Variants in TMEM132E observed in about 807,000 individuals in gnomAD.
TMEM132E encodes the protein transmembrane protein 132E.
In TMEM132E, 49 loss-of-function variants were observed where a neutral mutation model predicts 78.5. The observed-to-expected ratio is 0.62, with a 90% CI of 0.50 to 0.79. TMEM132E has a LOEUF of 0.79. TMEM132E is among the 30% of genes least tolerant of loss of function. The probability of loss-of-function intolerance (pLI) is 0.00; values close to 1 mark genes in which losing one functional copy is unlikely to be tolerated. For missense variants in TMEM132E, 1,403 were observed against 1,470.9 expected (o/e 0.95, Z 0.75); for synonymous variants, 715 against 670.6 (o/e 1.07, Z -1.02).
At position 34,626,704 on chromosome 17, in the gene TMEM132E, C is replaced by A. The variant is rs1907146449; in HGVS notation, c.645C>A (p.Ser215=). The change falls in exon 2 of 9, where the codon TCC becomes TCA. Residue 215 remains serine, a synonymous_variant. Transcript: ENST00000631683. ...PAAPPTARRK[S]PDGLEPEATG... ...CGCCACCCACGGCCCGCCGCAAGTC[C>A]CCGGACGGGCTGGAGCCCGAGGCGA... 4.3e-6 allele frequency: 6 copies of A among 1,386,364 alleles called. No individual in the cohort carries two copies. Among genetic ancestry groups the A allele is most frequent in the Non-Finnish European group, 4.7e-6 (5 of 1,058,946 alleles). 85.9% of individuals were successfully genotyped at this position (1,386,364 alleles called of 1,614,324 possible).
At chr17:34,593,813 C>T (rs1231101597) in intron 1 of TMEM132E, among the ~76,000 whole-genome samples, 1 of 152,238 alleles carries the variant, frequency 6.6e-6, no homozygotes, top group East Asian at 1.9e-4. Context: ...GAGTGAGAGC[C>T]AAAGTCCTCA....
At chr17:34,631,744 G>A (rs1907355576) in intron 5 of TMEM132E, among the ~76,000 whole-genome samples, 1 of 152,136 alleles carries the variant, frequency 6.6e-6, no homozygotes, top group Admixed American at 6.5e-5. Flanking sequence ...TCCTTCCAGA[G>A]CCTTCAGGGC....
At position 34,637,120 on chromosome 17, in the gene TMEM132E, G is replaced by A. The variant is rs917014120; in HGVS notation, c.2170-57G>A. ...CCCCTACAGAGCCCAGGATCTAGCA[G>A]GAAGCCAGCTGAACCAGCTCTTTGA... On this transcript the variant is annotated intron_variant, in intron 8 of 8. Coordinates refer to ENST00000631683, the MANE Select transcript of TMEM132E (RefSeq NM_001304438.2). 9 of 1,497,306 alleles carry A rather than the reference G, an allele frequency of 6.0e-6. No homozygotes were observed. In the African/African-American group the frequency reaches 1.1e-4, roughly 18 times the overall value. 92.8% of individuals were successfully genotyped at this position (1,497,306 alleles called of 1,614,324 possible).
At chr17:34,599,648 T>TTTTTTA (rs993193152) in intron 1 of TMEM132E, among the ~76,000 whole-genome samples, 3 of 152,204 alleles carry the variant, frequency 2.0e-5, no homozygotes, top group African/African-American at 7.2e-5. Context: ...GAGTTTTTTA[T>TTTTTTA]TTTTTATTTT....
At chr17:34,582,910 C>T (rs1905544332) in intron 1 of TMEM132E, among the ~76,000 whole-genome samples, 1 of 152,210 alleles carries the variant, frequency 6.6e-6, no homozygotes, top group South Asian at 2.1e-4. Flanking sequence ...ATGGGCAGCT[C>T]AAACTCTGTC....
chr17:34,634,827 G>A lies in TMEM132E; in HGVS notation c.1717G>A (p.Glu573Lys). 1.9e-6 allele frequency: 3 copies of A among 1,612,294 alleles called. No individual in the cohort carries two copies. The highest frequency in any genetic ancestry group is 2.5e-6 in the Non-Finnish European group (3 of 1,179,012). ...AGTCCGGGAAAGCGAGGATGAGGAT[G>A]AGGAGGAGGAGGAGCGGCGGCAGAG... ...RSVRESEDEDEEEEERRQSAS... is the reference protein window; with the variant it reads ...RSVRESEDEDKEEEERRQSAS... Residue 573 changes from glutamate (E) to lysine (K), a missense_variant, in exon 7 of 9, where the codon GAG becomes AAG. This residue lies in a region of TMEM132E where 888 missense variants were observed against 952.8 expected (regional missense o/e 0.93). Transcript: ENST00000631683.
chr17:34,629,908 G>C lies in TMEM132E; in HGVS notation c.1339-100G>C, dbSNP rs1027442012. 3.1e-6 allele frequency: 4 copies of C among 1,284,656 alleles called. No individual in the cohort carries two copies. In the African/African-American group the frequency reaches 7.9e-5, roughly 25 times the overall value. The allele number at this position is 1,284,656 out of a possible 1,614,324, so 79.6% of individuals were successfully genotyped here. A position where few individuals can be genotyped will look rare whatever the true frequency, so the allele number is the denominator to read the frequency against. On this transcript the variant is annotated intron_variant, in intron 4 of 8. Coordinates refer to ENST00000631683, the MANE Select transcript of TMEM132E (RefSeq NM_001304438.2). ...GTCCCCACTGGAAGGATGTGCATCT[G>C]AGGAGTGGGGGGGGAGCGTCCAGGA...
chr17:34,581,019 G>A lies in TMEM132E; in HGVS notation c.-58G>A. ...AGTTGGATGTGACCAAGCCCAGCCT[G>A]GGGCCAAGTCGTCGTCGACTGTTGC... is the stretch of plus-strand genomic sequence containing the variant. On this transcript the variant is annotated 5_prime_UTR_variant, in exon 1 of 9. Transcript: ENST00000631683. 6.9e-7 allele frequency: 1 copy of A among 1,454,474 alleles called. No homozygotes were observed. Among genetic ancestry groups the A allele is most frequent in the Non-Finnish European group, 9.2e-7 (1 of 1,085,198 alleles). The allele number at this position is 1,454,474 out of a possible 1,614,324, so 90.1% of individuals were successfully genotyped here.
intron 1 of TMEM132E, among the ~76,000 whole-genome samples, chr17:34,587,096 T>C (rs1000667928): frequency 6.6e-6 from 1 of 152,314 alleles, no homozygotes; most frequent in South Asian, 2.1e-4. Context: ...TCACGACCAC[T>C]GGAGCTGGAG....
In TMEM132E at chr17:34,630,450, G is replaced by A. The variant is rs558329861; in HGVS notation, c.1482+299G>A. Reference sequence around the variant, plus strand: ...GATATTGCTTTGGCCAGTCCTGGAGGGCTTCCTGTAGGAATATGAAACAGA... The same window carrying A: ...GATATTGCTTTGGCCAGTCCTGGAGAGCTTCCTGTAGGAATATGAAACAGA... On this transcript the variant is annotated intron_variant, in intron 5 of 8. Transcript: ENST00000631683. Among the ~76,000 whole-genome samples, 385 of 152,274 alleles carry A rather than the reference G, an allele frequency of 2.5e-3. 1 individual carries two copies. The highest frequency in any genetic ancestry group is 2.7e-3 in the Non-Finnish European group (185 of 68,014).
rs754603575 is a variant in TMEM132E at position 34,626,289 on chromosome 17, A to G, written c.230A>G (p.Glu77Gly). 5 of 1,610,142 alleles carry G rather than the reference A, an allele frequency of 3.1e-6. No individual in the cohort carries two copies. In the African/African-American group the frequency reaches 6.7e-5, roughly 22 times the overall value. Residue 77 changes from glutamate to glycine, a missense_variant, in exon 2 of 9, where the codon GAG (glutamate) becomes GGG (glycine). Physicochemically the swap from Glu to Gly is moderately conservative, Grantham distance 98. Around this residue, in one of 3 missense-constraint regions of TMEM132E, gnomAD observed 511 missense variants for 499.0 expected, o/e 1.02. Transcript: ENST00000631683. The part of the protein sequence containing the change: ...AVANSSLQRS[E>G]PFVVFQTKEL... ...GCCAACAGCTCTCTGCAGCGCTCCG[A>G]GCCCTTCGTGGTGTTCCAGACCAAG...
chr17:34,625,168 G>A (rs1297032194), intron 1 of TMEM132E, among the ~76,000 whole-genome samples: 2 of 152,336 alleles, frequency 1.3e-5, no homozygotes, highest in African/African-American at 4.8e-5. Flanking sequence ...TGTCGTCATA[G>A]CGACAGCAGT....
chr17:34,637,764 G>A lies in TMEM132E; in HGVS notation c.2757G>A (p.Lys919=), dbSNP rs1907582197. Residue 919 remains lysine (K), a synonymous_variant, in exon 9 of 9, where the codon AAG becomes AAA. Coordinates refer to ENST00000631683, the MANE Select transcript of TMEM132E (RefSeq NM_001304438.2). The part of the protein sequence containing the change: ...CIVFVLRYRH[K]RIPPEGQTSM... The stretch of plus-strand genomic sequence containing the variant: ...TTTTTGTGCTGCGCTACCGGCACAA[G>A]CGCATCCCGCCCGAGGGCCAGACCA... 2.5e-6 allele frequency: 4 copies of A among 1,613,582 alleles called. No individual in the cohort carries two copies. Among genetic ancestry groups the A allele is most frequent in the Non-Finnish European group, 2.5e-6 (3 of 1,179,982 alleles).
chr17:34,621,684 T>A (rs1478929453), intron 1 of TMEM132E, among the ~76,000 whole-genome samples: 2 of 152,110 alleles, frequency 1.3e-5, no homozygotes, highest in Non-Finnish European at 2.9e-5. Flanking sequence ...GCAGGCAAAC[T>A]GGTCTGCAGG....
chr17:34,613,521 C>A (rs1269073738), intron 1 of TMEM132E, among the ~76,000 whole-genome samples: 1 of 151,812 alleles, frequency 6.6e-6, no homozygotes, highest in Non-Finnish European at 1.5e-5. Flanking sequence ...CCTAAGCCCC[C>A]CACTGCCTCC....
At position 34,629,079 on chromosome 17, in the gene TMEM132E, G is replaced by A. The variant is rs765833362; in HGVS notation, c.1213G>A (p.Val405Ile). The A allele has an allele frequency of 1.2e-6, 2 of 1,608,204 alleles. No individual in the cohort carries two copies. The highest frequency in any genetic ancestry group is 1.7e-6 in the Non-Finnish European group (2 of 1,176,208). Residue 405 changes from valine to isoleucine, a missense_variant, in exon 4 of 9, where the codon GTC (valine) becomes ATC (isoleucine). This residue lies in a region of TMEM132E where 888 missense variants were observed against 952.8 expected (regional missense o/e 0.93). Transcript: ENST00000631683. ...AATGGAGAACTTCACCAGCCAGTCAGTCAAGCGGAGGATCATGTGGCACAT... is the reference window on the plus strand; with the variant it reads ...AATGGAGAACTTCACCAGCCAGTCAATCAAGCGGAGGATCATGTGGCACAT... ...FEMENFTSQS[V>I]KRRIMWHIDY...
At chr17:34,635,899 C>T (rs1907503385) in intron 7 of TMEM132E, 108 bp from the exon 8 acceptor site, 1 of 1,173,486 alleles carries the variant, frequency 8.5e-7, no homozygotes, top group Non-Finnish European at 1.1e-6. Flanking sequence ...CTGCCTCACC[C>T]TTCAGGCCCC....
At chr17:34,597,465 C>T (rs1425604005) in intron 1 of TMEM132E, among the ~76,000 whole-genome samples, 3 of 152,196 alleles carry the variant, frequency 2.0e-5, no homozygotes, top group Non-Finnish European at 4.4e-5. Context: ...ACTATTCATT[C>T]ATTCATTCAA....
intron 1 of TMEM132E, among the ~76,000 whole-genome samples, chr17:34,588,968 G>T (rs1046827509): frequency 6.6e-6 from 1 of 152,148 alleles, no homozygotes; most frequent in East Asian, 1.9e-4. Context: ...TGGCCAGGCT[G>T]GTCTCGAACT....
Sources: gnomAD v4.1 joint callset for allele counts (sites outside exome capture counted in the v4.1 genomes callset) on GRCh38, gnomAD v4.1.1 for gene constraint, gnomAD v4.1.1 regional missense constraint, MANE v1.5 for transcripts, NCBI Gene and HGNC (gene_info 2026-07-23, HGNC 2026-07-21) for gene names.